The following WNK3 variants were observed in gnomAD, a reference collection of about 807,000 sequenced individuals.
The protein encoded by WNK3 is serine/threonine-protein kinase WNK3.
In WNK3, 18 loss-of-function variants were observed where a neutral mutation model predicts 116.7. The observed-to-expected ratio is 0.15, with a 90% confidence interval of 0.11 to 0.23. WNK3 has a LOEUF of 0.23. Among genes scored for constraint, WNK3 ranks in the 10% least tolerant of loss-of-function variants. The probability of loss-of-function intolerance (pLI) is 1.00; values close to 1 mark genes in which losing one functional copy is unlikely to be tolerated. For synonymous variants in WNK3, 404 were observed against 469.4 expected (o/e 0.86, Z 1.80); for missense variants, 993 against 1,323.8 (o/e 0.75, Z 3.88).
In WNK3 at chrX:54,248,903, C is replaced by T. The variant is rs1163122285; in HGVS notation, c.3445G>A (p.Ala1149Thr). Reference sequence around the variant, plus strand: ...ACTGGACAGGAGAGGGTATCTTCAGCAGAGGAAGAAAATGGAGAGTCTATG... The same window carrying T: ...ACTGGACAGGAGAGGGTATCTTCAGTAGAGGAAGAAAATGGAGAGTCTATG... Residue 1149 changes from alanine (A) to threonine (T), a missense_variant, in exon 17 of 24, where the codon GCT becomes ACT. Around this residue, in one of 4 missense-constraint regions of WNK3, gnomAD observed 836 missense variants for 976.5 expected, o/e 0.86. Transcript: ENST00000354646. The T allele has an allele frequency of 3.3e-6, 4 of 1,209,691 alleles. No individual in the cohort carries two copies. The East Asian group carries it at 8.9e-5, about 27-fold the overall frequency.
chrX:54,239,457 T>C (rs2068000618), intron 17 of WNK3, among the ~76,000 whole-genome samples: 1 of 111,161 alleles, frequency 9.0e-6, no homozygotes, highest in Non-Finnish European at 1.9e-5. Flanking sequence ...ATTTCCTTCA[T>C]ATGTGCCAGT....
intron 1 of WNK3, among the ~76,000 whole-genome samples, chrX:54,355,086 A>T (rs2069575881): frequency 9.0e-6 from 1 of 111,005 alleles, no homozygotes; most frequent in African/African-American, 3.3e-5. Flanking sequence ...TCCCTCTAAA[A>T]AATAATAATA....
intron 22 of WNK3, among the ~76,000 whole-genome samples, chrX:54,221,924 A>G (rs2067766895): frequency 8.9e-6 from 1 of 112,112 alleles, no homozygotes; most frequent in South Asian, 3.7e-4. Context: ...TGGGAGGCTG[A>G]GGCGGGTGGA....
At chrX:54,309,043 C>T in intron 4 of WNK3, 52 bp downstream of exon 4, 1 of 1,068,106 alleles carries the variant, frequency 9.4e-7, no homozygotes, top group Non-Finnish European at 1.3e-6. Flanking sequence ...TAGACCTATA[C>T]AATTGAAAAA....
Position 54,298,411 on chromosome X carries a change from A to G in WNK3, c.1179-17T>C, listed in dbSNP as rs1557166818. Reference sequence around the variant, plus strand: ...ATAGACAACCTAATAAACAAAACATATATCTCATTATCAGTTCTTCCAATC... The same window carrying G: ...ATAGACAACCTAATAAACAAAACATGTATCTCATTATCAGTTCTTCCAATC... On this transcript the variant is annotated splice_polypyrimidine_tract_variant and intron_variant, in intron 6 of 23. Coordinates refer to ENST00000354646, the Ensembl canonical transcript of WNK3. The G allele has an allele frequency of 1.4e-5, 15 of 1,106,803 alleles. No individual in the cohort carries two copies. The highest frequency in any genetic ancestry group is 1.2e-4 in the East Asian group (4 of 33,278). The allele number at this position is 1,106,803 out of a possible 1,213,427, so 91.2% of individuals were successfully genotyped here.
At chrX:54,214,037 C>T (rs940235563) in intron 22 of WNK3, among the ~76,000 whole-genome samples, 1 of 111,272 alleles carries the variant, frequency 9.0e-6, no homozygotes, top group African/African-American at 3.3e-5. Flanking sequence ...AGGGCAGTGG[C>T]ACAATCTCAG....
At chrX:54,280,638 A>T (rs1307360488) in intron 10 of WNK3, among the ~76,000 whole-genome samples, 1 of 112,303 alleles carries the variant, frequency 8.9e-6, no homozygotes, top group Admixed American at 9.5e-5. Flanking sequence ...AGCAACAAGG[A>T]TGCAGCTGGA....
intron 10 of WNK3, among the ~76,000 whole-genome samples, chrX:54,292,236 T>C: frequency 8.9e-6 from 1 of 111,781 alleles, no homozygotes; most frequent in South Asian, 3.8e-4. Flanking sequence ...CAGACATCCT[T>C]CCATGTTCAA....
At chrX:54,294,836 C>A in exon 8 of WNK3, 1 of 1,184,749 alleles carries the variant, frequency 8.4e-7, no homozygotes, top group Non-Finnish European at 1.1e-6. Context: ...CATGGAAGAA[C>A]CCAGACTTGA....
chrX:54,192,881 T>C (rs2067412007), exon 24 of WNK3: 1 of 111,795 alleles, frequency 8.9e-6, no homozygotes, highest in Admixed American at 9.6e-5. Context: ...ACAGCCTTTA[T>C]TTTCTGTTTC....
At chrX:54,266,161 T>C (rs989935275) in intron 10 of WNK3, among the ~76,000 whole-genome samples, 2 of 111,534 alleles carry the variant, frequency 1.8e-5, no homozygotes, top group Admixed American at 9.6e-5. Context: ...GAACTGGAGG[T>C]CATTATATGA....
At chrX:54,350,998 T>TA (rs200732453) in intron 1 of WNK3, among the ~76,000 whole-genome samples, 1,995 of 109,233 alleles carry the variant, frequency 0.018, 44 homozygotes, top group African/African-American at 0.062. Flanking sequence ...CTATTTGTGT[T>TA]AAAAAAAAAC....
At chrX:54,232,334 G>T (rs1419027064) in intron 21 of WNK3, among the ~76,000 whole-genome samples, 1 of 110,069 alleles carries the variant, frequency 9.1e-6, no homozygotes, top group African/African-American at 3.3e-5. Flanking sequence ...TAGAGATGGG[G>T]TTTCGCCATG....
intron 2 of WNK3, among the ~76,000 whole-genome samples, chrX:54,316,879 T>C (rs1447071798): frequency 1.8e-5 from 2 of 111,575 alleles, no homozygotes; most frequent in African/African-American, 3.3e-5. Flanking sequence ...GAAAGCAACA[T>C]GATGGTTCCT....
At chrX:54,213,553 C>CAAAAAAAAAAAAAAAAAAAAAAAAAA (rs782580375) in intron 22 of WNK3, among the ~76,000 whole-genome samples, 3 of 14,257 alleles carry the variant, frequency 2.1e-4, no homozygotes, top group Non-Finnish European at 3.3e-4. Context: ...GACTCCGTCT[C>CAAAAAAAAAAAAAAAAAAAAAAAAAA]AAAAAAAAAA....
chrX:54,274,074 T>C (rs782379451), intron 10 of WNK3, among the ~76,000 whole-genome samples: 1 of 110,450 alleles, frequency 9.1e-6, no homozygotes, highest in Non-Finnish European at 1.9e-5. Flanking sequence ...TAAATATGAC[T>C]GAATAAAAAA....
upstream of WNK3, chrX:54,358,037 G>C (rs2069622143): frequency 9.1e-6 from 1 of 109,847 alleles, no homozygotes; most frequent in African/African-American, 3.3e-5. Flanking sequence ...CAGGGAATTC[G>C]GACGGGTAGG....
intron 17 of WNK3, among the ~76,000 whole-genome samples, chrX:54,246,189 G>C (rs2068072814): frequency 9.0e-6 from 1 of 111,082 alleles, no homozygotes; most frequent in African/African-American, 3.3e-5. Context: ...TTAATATTTT[G>C]TCAGTTTTCT....
chrX:54,227,551 T>C (rs782270734), intron 22 of WNK3, among the ~76,000 whole-genome samples: 74 of 112,225 alleles, frequency 6.6e-4, no homozygotes, highest in African/African-American at 2.3e-3. Context: ...AGAGTTCCCA[T>C]GTCATCTAGC....
Sources: allele counts gnomAD v4.1 joint callset (sites outside exome capture counted in the v4.1 genomes callset), GRCh38; gene constraint gnomAD v4.1.1; regional missense constraint gnomAD v4.1.1; transcripts MANE v1.5; gene names NCBI Gene and HGNC (gene_info 2026-07-23, HGNC 2026-07-21).